MDFIC2: variants seen among roughly 807,000 people sequenced by gnomAD.
MDFIC2 encodes the protein MyoD family inhibitor domain containing 2.
chr3:70,203,881 T>C (rs1032905978), intron 3 of MDFIC2, among the ~76,000 whole-genome samples: 3 of 152,098 alleles, frequency 2.0e-5, no homozygotes, highest in Non-Finnish European at 2.9e-5. Context: ...AATCAGAAGT[T>C]TGCAGAAACA....
chr3:70,277,183 G>C (rs1159811017), intron 2 of MDFIC2, among the ~76,000 whole-genome samples: 1 of 152,138 alleles, frequency 6.6e-6, no homozygotes, highest in Non-Finnish European at 1.5e-5. Flanking sequence ...GATTGAGAAG[G>C]CTGGAACAAT....
At chr3:70,278,950 T>C (rs1361965552) in intron 2 of MDFIC2, among the ~76,000 whole-genome samples, 1 of 151,690 alleles carries the variant, frequency 6.6e-6, no homozygotes, top group African/African-American at 2.4e-5. Flanking sequence ...CTCCTCTTCA[T>C]AGTGGTCTGG....
At chr3:70,244,643 C>A (rs1016299125) in intron 2 of MDFIC2, among the ~76,000 whole-genome samples, 7 of 152,108 alleles carry the variant, frequency 4.6e-5, no homozygotes, top group Admixed American at 1.3e-4. Context: ...CTCTTTAGGG[C>A]AAATGCAATT....
chr3:70,203,106 G>A (rs1021819080), intron 3 of MDFIC2, among the ~76,000 whole-genome samples: 1 of 152,072 alleles, frequency 6.6e-6, no homozygotes, highest in Non-Finnish European at 1.5e-5. Flanking sequence ...CTTATCCTAA[G>A]TGGCAAGAAT....
intron 2 of MDFIC2, among the ~76,000 whole-genome samples, chr3:70,260,789 A>G (rs1469532890): frequency 6.6e-6 from 1 of 151,936 alleles, no homozygotes; most frequent in Non-Finnish European, 1.5e-5. Context: ...GCTCCAAGGT[A>G]CTATTGTCCC....
chr3:70,254,569 G>T (rs938274409), intron 2 of MDFIC2, among the ~76,000 whole-genome samples: 15 of 152,090 alleles, frequency 9.9e-5, no homozygotes, highest in Non-Finnish European at 2.1e-4. Context: ...TTCCCTAATG[G>T]TGAGGTGGCA....
chr3:70,287,801 C>T (rs1387397738), intron 2 of MDFIC2, among the ~76,000 whole-genome samples: 11 of 148,958 alleles, frequency 7.4e-5, no homozygotes, highest in African/African-American at 1.5e-4. Context: ...GTGTATGTGT[C>T]GAGGAATTTA....
At chr3:70,280,863 T>C (rs75731255) in intron 2 of MDFIC2, among the ~76,000 whole-genome samples, 3,811 of 152,228 alleles carry the variant, frequency 0.025, 156 homozygotes, top group African/African-American at 0.085. Flanking sequence ...GAAGGGACGC[T>C]GCACAGAAAG....
intron 2 of MDFIC2, among the ~76,000 whole-genome samples, chr3:70,267,568 A>G (rs1701928941): frequency 1.0e-5 from 1 of 99,492 alleles, no homozygotes; most frequent in Admixed American, 1.3e-4. Context: ...ATGCCCGGCT[A>G]ATTTTTTGTA....
intron 2 of MDFIC2, among the ~76,000 whole-genome samples, chr3:70,214,894 G>C (rs1363457510): frequency 1.3e-5 from 2 of 152,022 alleles, no homozygotes; most frequent in African/African-American, 4.8e-5. Flanking sequence ...GAAAAAAATA[G>C]TTAGCAGTTT....
intron 2 of MDFIC2, among the ~76,000 whole-genome samples, chr3:70,210,784 G>GA (rs34863340): frequency 0.78 from 118,999 of 151,862 alleles, 49,103 homozygotes; most frequent in Non-Finnish European, 0.92. Context: ...ATATTTCTTG[G>GA]AAAAAAATTA....
rs560745290 is a variant in MDFIC2 at position 70,240,883 on chromosome 3, A to T, written c.89-34093T>A. Reference sequence around the variant, plus strand: ...GCCCATAAGATGACAGAATTAGGGTACTTGATAAGCAGTATGAAAACACTG... The same window carrying T: ...GCCCATAAGATGACAGAATTAGGGTTCTTGATAAGCAGTATGAAAACACTG... On this transcript the variant is annotated intron_variant, in intron 2 of 3. Transcript: ENST00000567252. Among the ~76,000 whole-genome samples, 10 of 152,330 alleles carry T rather than the reference A, an allele frequency of 6.6e-5. 1 individual carries two copies. In the South Asian group the frequency reaches 2.1e-3, roughly 32 times the overall value.
chr3:70,265,202 T>C (rs1298773899), intron 2 of MDFIC2, among the ~76,000 whole-genome samples: 1 of 152,096 alleles, frequency 6.6e-6, no homozygotes, highest in East Asian at 1.9e-4. Context: ...GAATGTAAAG[T>C]AGGCTAGTGT....
Position 70,260,357 on chromosome 3 carries a change from G to A in MDFIC2, c.88+51529C>T, listed in dbSNP as rs1055967413. Among the ~76,000 whole-genome samples the A allele has an allele frequency of 5.9e-5, 9 of 152,040 alleles. No homozygotes were observed. The South Asian group carries it at 8.3e-4, about 14-fold the overall frequency. ...TGGATTTAGGGGCCCACTCTACTCC[G>A]GTACGACTTTATCTTAAGTTAGCTA... On this transcript the variant is annotated intron_variant, in intron 2 of 3. Coordinates refer to ENST00000567252, the MANE Select transcript of MDFIC2 (RefSeq NM_001364677.1).
chr3:70,247,601 A>G (rs927004067), intron 2 of MDFIC2, among the ~76,000 whole-genome samples: 1 of 151,968 alleles, frequency 6.6e-6, no homozygotes, highest in Non-Finnish European at 1.5e-5. Context: ...ATTTTAATAT[A>G]TAACATTATA....
intron 2 of MDFIC2, among the ~76,000 whole-genome samples, chr3:70,285,472 G>C (rs1413982010): frequency 6.6e-6 from 1 of 151,902 alleles, no homozygotes; most frequent in East Asian, 1.9e-4. Flanking sequence ...GGACATTTGG[G>C]TTGGTTCCAA....
intron 2 of MDFIC2, among the ~76,000 whole-genome samples, chr3:70,299,331 TAC>T (rs1398228649): frequency 1.4e-5 from 2 of 145,038 alleles, no homozygotes; most frequent in African/African-American, 5.1e-5. Flanking sequence ...GTTATTTGTA[TAC>T]ACACACAAAT....
At chr3:70,221,602 C>T (rs1701460420) in intron 2 of MDFIC2, among the ~76,000 whole-genome samples, 1 of 152,118 alleles carries the variant, frequency 6.6e-6, no homozygotes, top group African/African-American at 2.4e-5. Flanking sequence ...TACCTACAGG[C>T]ATTCCTTCTG....
chr3:70,265,259 G>T (rs11710654), intron 2 of MDFIC2, among the ~76,000 whole-genome samples: 11,369 of 152,154 alleles, frequency 0.075, 545 homozygotes, highest in East Asian at 0.13. Context: ...GAGATATAGG[G>T]GATTGAAAGG....
Sources: allele counts gnomAD v4.1 joint callset (sites outside exome capture counted in the v4.1 genomes callset), GRCh38; gene constraint gnomAD v4.1.1; transcripts MANE v1.5; gene names NCBI Gene and HGNC (gene_info 2026-07-23, HGNC 2026-07-21).